LRMDA: variants seen among roughly 807,000 people sequenced by gnomAD.
The protein encoded by LRMDA is leucine-rich melanocyte differentiation-associated protein.
In LRMDA, 18 loss-of-function variants were observed where a neutral mutation model predicts 29.8. The observed-to-expected ratio is 0.60, with a 90% confidence interval of 0.42 to 0.90. LRMDA has a LOEUF of 0.90. LRMDA is among the 40% of genes least tolerant of loss of function. The probability of loss-of-function intolerance (pLI) is 0.00; values close to 1 mark genes in which losing one functional copy is unlikely to be tolerated. For missense variants in LRMDA, 273 were observed against 273.9 expected (o/e 1.00, Z 0.02); for synonymous variants, 125 against 109.4 (o/e 1.14, Z -0.89).
At chr10:75,508,877 A>T (rs1402253613) in intron 2 of LRMDA, among the ~76,000 whole-genome samples, 1 of 152,132 alleles carries the variant, frequency 6.6e-6, no homozygotes, top group Admixed American at 6.5e-5. Flanking sequence ...CCAGCAATTT[A>T]TGGGCACTGG....
At chr10:75,577,616 A>T (rs570811130) in intron 2 of LRMDA, among the ~76,000 whole-genome samples, 1 of 152,312 alleles carries the variant, frequency 6.6e-6, no homozygotes, top group East Asian at 1.9e-4. Context: ...ATGAAGGTAA[A>T]AATATTAAGG....
intron 5 of LRMDA, among the ~76,000 whole-genome samples, chr10:76,163,383 T>C (rs939461240): frequency 2.6e-5 from 4 of 152,156 alleles, no homozygotes; most frequent in Non-Finnish European, 5.9e-5. Context: ...TTAATCCTGC[T>C]TAACATGAGT....
intron 5 of LRMDA, among the ~76,000 whole-genome samples, chr10:76,277,667 G>A (rs1401558219): frequency 6.6e-6 from 1 of 152,076 alleles, no homozygotes; most frequent in Non-Finnish European, 1.5e-5. Context: ...GAGTAACTCT[G>A]AAATATACAG....
At chr10:76,335,258 T>G (rs1840953072) in intron 6 of LRMDA, among the ~76,000 whole-genome samples, 1 of 152,344 alleles carries the variant, frequency 6.6e-6, no homozygotes, top group Non-Finnish European at 1.5e-5. Flanking sequence ...GATAAAACAT[T>G]AAGATGATCT....
At chr10:75,631,745 C>T (rs1841326663) in intron 2 of LRMDA, among the ~76,000 whole-genome samples, 1 of 152,072 alleles carries the variant, frequency 6.6e-6, no homozygotes, top group Non-Finnish European at 1.5e-5. Context: ...CTCTTGGCCC[C>T]TGTGACATTG....
intron 6 of LRMDA, among the ~76,000 whole-genome samples, chr10:76,548,347 C>T (rs907838303): frequency 3.3e-5 from 5 of 151,106 alleles, no homozygotes; most frequent in Admixed American, 6.6e-5. Flanking sequence ...GCATACTAGG[C>T]AGTACAGCAA....
chr10:76,274,918 C>T (rs1341502993), intron 5 of LRMDA, among the ~76,000 whole-genome samples: 1 of 152,114 alleles, frequency 6.6e-6, no homozygotes, highest in African/African-American at 2.4e-5. Context: ...CAATTGCATT[C>T]TCCTCTATAA....
Position 75,939,764 on chromosome 10 carries a change from G to C in LRMDA, c.132-96244G>C, listed in dbSNP as rs1031137838. Among the ~76,000 whole-genome samples the C allele has an allele frequency of 3.3e-5, 5 of 152,174 alleles. 1 individual carries two copies. Among genetic ancestry groups the C allele is most frequent in the Admixed American group, 3.3e-4 (5 of 15,286 alleles). ...CCGGACTTTGGGCTGGGGTGAACTA[G>C]GTAGGTATTTGGCTCTCAGGCTTCC... On this transcript the variant is annotated intron_variant, in intron 2 of 6. Coordinates refer to ENST00000611255, the MANE Select transcript of LRMDA (RefSeq NM_001305581.2).
intron 5 of LRMDA, among the ~76,000 whole-genome samples, chr10:76,306,479 C>T (rs1046664370): frequency 1.3e-5 from 2 of 152,172 alleles, no homozygotes; most frequent in African/African-American, 4.8e-5. Context: ...TCTTCAGTTC[C>T]ACATCCTAAG....
chr10:76,199,545 C>T lies in LRMDA; in HGVS notation c.517-124856C>T, dbSNP rs1294365502. On this transcript the variant is annotated intron_variant, in intron 5 of 6. Transcript: ENST00000611255. ...TTGACACCCATGCAGCAAGTATGTGCTACGTGGAGACCATTATTAGTATTA... is the reference window on the plus strand; with the variant it reads ...TTGACACCCATGCAGCAAGTATGTGTTACGTGGAGACCATTATTAGTATTA... Among the ~76,000 whole-genome samples the T allele has an allele frequency of 2.0e-5, 3 of 152,138 alleles. No individual in the cohort carries two copies. The East Asian group carries it at 5.8e-4, about 29-fold the overall frequency.
chr10:76,368,689 G>T (rs901906673), intron 6 of LRMDA, among the ~76,000 whole-genome samples: 2 of 152,152 alleles, frequency 1.3e-5, no homozygotes, highest in Non-Finnish European at 2.9e-5. Flanking sequence ...GTCTAGTGCT[G>T]TCAGTGGAGT....
At chr10:75,639,034 C>T (rs191775900) in intron 2 of LRMDA, among the ~76,000 whole-genome samples, 47 of 152,274 alleles carry the variant, frequency 3.1e-4, no homozygotes, top group Non-Finnish European at 6.3e-4. Flanking sequence ...TGTTTTATTA[C>T]GTTTGCCTTT....
intron 6 of LRMDA, among the ~76,000 whole-genome samples, chr10:76,383,397 A>C (rs1237159452): frequency 1.5e-5 from 2 of 134,278 alleles, no homozygotes; most frequent in Non-Finnish European, 3.2e-5. Context: ...CAGTTTTTTG[A>C]GTACACCAAT....
intron 2 of LRMDA, among the ~76,000 whole-genome samples, chr10:75,762,898 C>A (rs1246481707): frequency 6.6e-6 from 1 of 152,130 alleles, no homozygotes; most frequent in Non-Finnish European, 1.5e-5. Context: ...CCACACTCTG[C>A]CAGTGGGGCA....
At chr10:75,728,147 A>G (rs925490063) in intron 2 of LRMDA, among the ~76,000 whole-genome samples, 2 of 152,194 alleles carry the variant, frequency 1.3e-5, no homozygotes, top group Admixed American at 6.5e-5. Context: ...ACAGCCAGCC[A>G]TCAGTGAAAT....
At chr10:76,126,657 C>A (rs1324030449) in intron 5 of LRMDA, among the ~76,000 whole-genome samples, 1 of 152,160 alleles carries the variant, frequency 6.6e-6, no homozygotes, top group South Asian at 2.1e-4. Flanking sequence ...TCTTGCAATA[C>A]ATTTTGTTCT....
rs562309484 is a variant in LRMDA at position 76,017,985 on chromosome 10, C to T, written c.132-18023C>T. On this transcript the variant is annotated intron_variant, in intron 2 of 6. Transcript: ENST00000611255. ...CCATGAAATTGAGAAAGTTCTATTA[C>T]TTTCCTCGTGAAGACTGACATCTGT... 3.3e-4 allele frequency among the ~76,000 whole-genome samples: 51 copies of T among 152,350 alleles called. No individual in the cohort carries two copies. In the South Asian group the frequency reaches 5.6e-3, roughly 17 times the overall value.
intron 5 of LRMDA, among the ~76,000 whole-genome samples, chr10:76,291,931 TGCACACACACAC>T (rs968015541): frequency 3.8e-5 from 4 of 105,952 alleles, no homozygotes; most frequent in Admixed American, 1.8e-4. Flanking sequence ...CACACACACG[TGCACACACACAC>T]ACACACACAC....
At chr10:75,905,929 G>A (rs201529051) in intron 2 of LRMDA, among the ~76,000 whole-genome samples, 23 of 93,282 alleles carry the variant, frequency 2.5e-4, no homozygotes, top group African/African-American at 1.8e-3. Flanking sequence ...CCTAGCCAAA[G>A]GTTTTTTTTT....
Sources: allele counts gnomAD v4.1 joint callset (sites outside exome capture counted in the v4.1 genomes callset), GRCh38; gene constraint gnomAD v4.1.1; transcripts MANE v1.5; gene names NCBI Gene and HGNC (gene_info 2026-07-23, HGNC 2026-07-21).